CRYBG1: variants seen among roughly 807,000 people sequenced by gnomAD.
CRYBG1 encodes crystallin beta-gamma domain containing 1.
A neutral mutation model predicts 189.2 loss-of-function variants in CRYBG1; 139 were observed. That is an observed-to-expected ratio of 0.73 (90% confidence interval 0.64 to 0.85). The LOEUF (loss-of-function observed/expected upper bound fraction) is 0.85. Ranked by LOEUF, CRYBG1 falls within the 40% of genes least tolerant of loss-of-function variation. CRYBG1 has a pLI of 0.00. For synonymous variants in CRYBG1, 1,023 were observed against 1,017.1 expected, an observed-to-expected ratio of 1.01 and a Z score of -0.11; for missense variants, 2,611 against 2,675.8, an observed-to-expected ratio of 0.98 and a Z score of 0.53.
At chr6:106,417,419 C>T (rs9384609) in intron 1 of CRYBG1, among the ~76,000 whole-genome samples, 7 of 151,794 alleles carry the variant, frequency 4.6e-5, no homozygotes, top group Admixed American at 4.6e-4. Flanking sequence ...TCTTGACTAA[C>T]CCTATTCCCA....
intron 2 of CRYBG1, among the ~76,000 whole-genome samples, chr6:106,484,471 AC>A (rs56167280): frequency 1 from 152,252 of 152,254 alleles, 76,125 homozygotes; most frequent in Non-Finnish European, 1. Context: ...GCATGTGCCC[AC>A]CCACACCCAG....
intron 8 of CRYBG1, among the ~76,000 whole-genome samples, chr6:106,538,724 C>A (rs1774059584): frequency 6.6e-6 from 1 of 151,746 alleles, no homozygotes; most frequent in African/African-American, 2.4e-5. Flanking sequence ...GAGACCCCCT[C>A]TACTAAAAAA....
chr6:106,523,301 A>G (rs1773652572), intron 4 of CRYBG1, among the ~76,000 whole-genome samples: 1 of 152,140 alleles, frequency 6.6e-6, no homozygotes, highest in Non-Finnish European at 1.5e-5. Flanking sequence ...AATTCTAACT[A>G]TTTCTATTAA....
intron 2 of CRYBG1, among the ~76,000 whole-genome samples, chr6:106,490,093 A>G (rs1772685695): frequency 6.6e-6 from 1 of 152,378 alleles, no homozygotes; most frequent in African/African-American, 2.4e-5. Context: ...CTTAGTCCAC[A>G]TTACAGTTGT....
At chr6:106,481,382 T>G (rs897674424) in intron 2 of CRYBG1, among the ~76,000 whole-genome samples, 2 of 152,126 alleles carry the variant, frequency 1.3e-5, no homozygotes, top group African/African-American at 4.8e-5. Flanking sequence ...CTACCAAACC[T>G]TACCAGCCAT....
chr6:106,361,035 G>T lies in CRYBG1; in HGVS notation c.127G>T (p.Gly43Trp). The T allele has an allele frequency of 6.5e-7, 1 of 1,535,276 alleles. No individual in the cohort carries two copies. Among genetic ancestry groups the T allele is most frequent in the Non-Finnish European group, 8.7e-7 (1 of 1,146,634 alleles). Residue 43 changes from glycine to tryptophan, a missense_variant, in exon 1 of 22, where the codon GGG becomes TGG. Physicochemically the swap from Gly to Trp is radical, Grantham distance 184. This residue lies in a region of CRYBG1 where 985 missense variants were observed against 924.4 expected (regional missense o/e 1.07). Coordinates refer to ENST00000633556, the MANE Select transcript of CRYBG1 (RefSeq NM_001371242.2). Reference sequence around the variant, plus strand: ...GCAGCAGCCGGCGCCGCCTGACTGTGGGGTGTTCGTTCCGCACCCGCTCCC... The same window carrying T: ...GCAGCAGCCGGCGCCGCCTGACTGTTGGGTGTTCGTTCCGCACCCGCTCCC... ...KKQQPAPPDCGVFVPHPLPAP... is the reference protein window; with the variant it reads ...KKQQPAPPDCWVFVPHPLPAP...
In CRYBG1 at chr6:106,570,797, C is replaced by A. The variant is rs1352920764; in HGVS notation, c.*2231C>A. On this transcript the variant is annotated 3_prime_UTR_variant, in exon 22 of 22. Transcript: ENST00000633556. ...CAATAACTCGGTAGTAAGACCAGAC[C>A]AACAATTTTAGAGAAAAGCCTACAT... is the stretch of plus-strand genomic sequence containing the variant. 6.6e-6 allele frequency: 1 copy of A among 151,972 alleles called. No individual in the cohort carries two copies. Among genetic ancestry groups the A allele is most frequent in the Non-Finnish European group, 1.5e-5 (1 of 67,990 alleles). 9.4% of individuals were successfully genotyped at this position (151,972 alleles called of 1,614,324 possible). A position where few individuals can be genotyped will look rare whatever the true frequency, so the allele number is the denominator to read the frequency against.
At chr6:106,395,777 A>G (rs1161114814) in intron 1 of CRYBG1, among the ~76,000 whole-genome samples, 1 of 151,878 alleles carries the variant, frequency 6.6e-6, no homozygotes, top group Non-Finnish European at 1.5e-5. Context: ...TTACAAAGAT[A>G]CTATATATTC....
intron 8 of CRYBG1, 84 bp downstream of exon 8, chr6:106,530,399 C>T (rs557550384): frequency 1.5e-6 from 2 of 1,296,600 alleles, no homozygotes; most frequent in South Asian, 3.3e-5. Flanking sequence ...GATACTCTGA[C>T]TCTAATTTGT....
chr6:106,425,805 A>G (rs1186630054), intron 1 of CRYBG1, among the ~76,000 whole-genome samples: 1 of 151,878 alleles, frequency 6.6e-6, no homozygotes, highest in Admixed American at 6.6e-5. Flanking sequence ...CTACTGGCTA[A>G]TTTTTATATT....
intron 21 of CRYBG1, 130 bp downstream of exon 21, chr6:106,564,056 G>T (rs762441346): frequency 3.5e-6 from 3 of 858,742 alleles, no homozygotes; most frequent in Non-Finnish European, 5.3e-6. Flanking sequence ...CCTACTGTGT[G>T]CCAGCTGCTG....
chr6:106,568,609 C>A lies in CRYBG1; in HGVS notation c.*43C>A. On this transcript the variant is annotated 3_prime_UTR_variant, in exon 22 of 22. Coordinates refer to ENST00000633556, the MANE Select transcript of CRYBG1 (RefSeq NM_001371242.2). ...ATCTTCTGGAGGTCCTTCCAGCCAC[C>A]TTATTTCTTAAAAAGGACAATGCTG... The A allele has an allele frequency of 6.9e-7, 1 of 1,451,346 alleles. No homozygotes were observed. The allele number at this position is 1,451,346 out of a possible 1,614,324, so 89.9% of individuals were successfully genotyped here.
At chr6:106,362,322 T>C (rs1283035428) in intron 1 of CRYBG1, among the ~76,000 whole-genome samples, 1 of 152,274 alleles carries the variant, frequency 6.6e-6, no homozygotes, top group African/African-American at 2.4e-5. Context: ...CATTCACTTA[T>C]TGTATTGAGT....
intron 1 of CRYBG1, among the ~76,000 whole-genome samples, chr6:106,378,199 C>T (rs1770210306): frequency 6.6e-6 from 1 of 152,172 alleles, no homozygotes; most frequent in South Asian, 2.1e-4. Flanking sequence ...GTGGTCTTCC[C>T]ACAGGTGAGT....
At position 106,512,755 on chromosome 6, in the gene CRYBG1, C is replaced by T. The variant is rs762593017; in HGVS notation, c.1638C>T (p.Pro546=). 2 of 1,573,332 alleles carry T rather than the reference C, an allele frequency of 1.3e-6. No individual in the cohort carries two copies. The highest frequency in any genetic ancestry group is 1.2e-5 in the South Asian group (1 of 86,312). Reference sequence around the variant, plus strand: ...AGGAGTCCCCACCCAAGAGGGTGCCCGATCCCAGCCCAGTCACCAAGGGCA... The same window carrying T: ...AGGAGTCCCCACCCAAGAGGGTGCCTGATCCCAGCCCAGTCACCAAGGGCA... ...PAKESPPKRV[P]DPSPVTKGTA... The change falls in exon 3 of 22, where the codon CCC becomes CCT. Residue 546 remains proline (P), a synonymous_variant. Transcript: ENST00000633556.
intron 8 of CRYBG1, among the ~76,000 whole-genome samples, chr6:106,534,576 C>T (rs1008774607): frequency 6.6e-6 from 1 of 152,154 alleles, no homozygotes; most frequent in African/African-American, 2.4e-5. Flanking sequence ...CTTAAGAATC[C>T]ATTAGGTGAT....
chr6:106,548,294 C>G (rs114819684), intron 13 of CRYBG1, among the ~76,000 whole-genome samples: 6 of 152,152 alleles, frequency 3.9e-5, no homozygotes, highest in African/African-American at 1.4e-4. Flanking sequence ...TCCCCTCCCC[C>G]ACTCCCCCCA....
At chr6:106,540,717 AAAGTT>A (rs1774109398) in intron 9 of CRYBG1, among the ~76,000 whole-genome samples, 1 of 151,936 alleles carries the variant, frequency 6.6e-6, no homozygotes, top group Non-Finnish European at 1.5e-5. Flanking sequence ...TTTTTTCATA[AAAGTT>A]AAGGAAACCA....
intron 1 of CRYBG1, 166 bp from the exon 2 acceptor site, chr6:106,451,528 A>G (rs750944804): frequency 1.0e-5 from 6 of 600,722 alleles, no homozygotes; most frequent in Non-Finnish European, 1.6e-5. Flanking sequence ...TAAATGTGCT[A>G]TGAGAGCGCC....
Sources: gnomAD v4.1 joint callset for allele counts (sites outside exome capture counted in the v4.1 genomes callset) on GRCh38, gnomAD v4.1.1 for gene constraint, gnomAD v4.1.1 regional missense constraint, MANE v1.5 for transcripts, NCBI Gene and HGNC (gene_info 2026-07-23, HGNC 2026-07-21) for gene names.